Variants in NAV3 observed in about 807,000 individuals in gnomAD.
NAV3 encodes the protein neuron navigator 3.
In NAV3, 87 loss-of-function variants were observed where a neutral mutation model predicts 244.7. The ratio of observed to expected loss-of-function variants is 0.36; its 90% CI spans 0.30 to 0.42. The LOEUF is 0.42. Among genes scored for constraint, NAV3 ranks in the 20% least tolerant of loss-of-function variants. The probability of loss-of-function intolerance (pLI) is 1.00; values close to 1 mark genes in which losing one functional copy is unlikely to be tolerated. For synonymous variants in NAV3, 1,126 were observed against 1,042.2 expected, an observed-to-expected ratio of 1.08 and a Z score of -1.55; for missense variants, 2,663 against 2,893.3, an observed-to-expected ratio of 0.92 and a Z score of 1.83.
chr12:77,722,335 TATACTC>T (rs1318021085), intron 2 of NAV3, among the ~76,000 whole-genome samples: 1 of 152,090 alleles, frequency 6.6e-6, no homozygotes, highest in African/African-American at 2.4e-5. Flanking sequence ...CTATAATTAA[TATACTC>T]ATACTCTTTC....
rs7294957 is a variant in NAV3, at chr12:77,594,495, C to A, written c.72+22229C>A. 3.0e-3 allele frequency among the ~76,000 whole-genome samples: 460 copies of A among 152,232 alleles called. 2 individuals are homozygous for A. The highest frequency in any genetic ancestry group is 0.01 in the African/African-American group (422 of 41,536). ...TTTGTTGAACATCTGGCAGAACAGC[C>A]TGGATATTTACTTGGAAGGAATGTT... On this transcript the variant is annotated intron_variant, in intron 2 of 8. Transcript: ENST00000550042.
rs1378130716 is a variant in NAV3 at position 78,092,539 on chromosome 12, G to A, written c.2637-24233G>A. On this transcript the variant is annotated intron_variant, in intron 12 of 39. Coordinates refer to ENST00000397909, the MANE Select transcript of NAV3 (RefSeq NM_001024383.2). The stretch of plus-strand genomic sequence containing the variant: ...TTTTGAGATGGAGTCTCGCTCTGTC[G>A]CCCAGGCTGTAGTGCAGTGGTGCGA... 4.7e-4 allele frequency among the ~76,000 whole-genome samples: 55 copies of A among 115,900 alleles called. No homozygotes were observed. The East Asian group carries it at 0.012, about 25-fold the overall frequency. The allele number at this position is 115,900 out of a possible 152,430, so 76.0% of individuals were successfully genotyped here.
At chr12:77,929,029 G>A (rs1888510860) in intron 1 of NAV3, among the ~76,000 whole-genome samples, 1 of 152,174 alleles carries the variant, frequency 6.6e-6, no homozygotes, top group Admixed American at 6.5e-5. Context: ...GCCTGCTGTG[G>A]TGAATTCTCT....
intron 12 of NAV3, among the ~76,000 whole-genome samples, chr12:78,063,868 A>T (rs959536442): frequency 2.0e-5 from 3 of 152,178 alleles, no homozygotes; most frequent in Non-Finnish European, 4.4e-5. Context: ...GAATGTGGAC[A>T]AGGAGACGAG....
intron 2 of NAV3, among the ~76,000 whole-genome samples, chr12:77,623,457 G>C (rs1166646736): frequency 6.6e-6 from 1 of 152,176 alleles, no homozygotes; most frequent in Non-Finnish European, 1.5e-5. Context: ...CACTGTGACA[G>C]TTCTCCTGTA....
chr12:78,092,988 G>T (rs528788216), intron 12 of NAV3, among the ~76,000 whole-genome samples: 71 of 152,200 alleles, frequency 4.7e-4, no homozygotes, highest in African/African-American at 1.7e-3. Context: ...GGGGAAACAC[G>T]CCAAACCATG....
intron 2 of NAV3, among the ~76,000 whole-genome samples, chr12:77,690,522 C>G (rs937143010): frequency 1.3e-4 from 19 of 151,342 alleles, no homozygotes; most frequent in Non-Finnish European, 1.3e-4. Flanking sequence ...TTTACTTCTT[C>G]TTACTGTCAA....
At chr12:78,168,101 T>C (rs2139543964) in intron 23 of NAV3, among the ~76,000 whole-genome samples, 1 of 151,840 alleles carries the variant, frequency 6.6e-6, no homozygotes. Flanking sequence ...ATATATTTTA[T>C]TTACTTTATT....
At chr12:77,772,048 G>A (rs1462975483) in intron 2 of NAV3, among the ~76,000 whole-genome samples, 1 of 152,118 alleles carries the variant, frequency 6.6e-6, no homozygotes, top group Non-Finnish European at 1.5e-5. Context: ...CTTTTGTAAT[G>A]TACTAAACAT....
intron 1 of NAV3, among the ~76,000 whole-genome samples, chr12:77,881,334 A>G (rs1882619060): frequency 6.6e-6 from 1 of 152,130 alleles, no homozygotes; most frequent in South Asian, 2.1e-4. Context: ...CTAGGTCACT[A>G]TAGTGTTTGC....
chr12:77,853,604 T>A (rs1032495922), intron 1 of NAV3, among the ~76,000 whole-genome samples: 1 of 152,164 alleles, frequency 6.6e-6, no homozygotes, highest in Non-Finnish European at 1.5e-5. Flanking sequence ...ATACTTCTGA[T>A]AGCAACATTT....
chr12:78,131,835 A>G (rs1468996201), intron 18 of NAV3, among the ~76,000 whole-genome samples: 3 of 152,182 alleles, frequency 2.0e-5, no homozygotes, highest in African/African-American at 7.2e-5. Flanking sequence ...ATTCTGCCAA[A>G]TCATTATTTT....
intron 2 of NAV3, among the ~76,000 whole-genome samples, chr12:77,640,939 A>C (rs1483988460): frequency 6.6e-6 from 1 of 152,074 alleles, no homozygotes; most frequent in Non-Finnish European, 1.5e-5. Flanking sequence ...GCTGATACAA[A>C]GTTGTTTGTC....
At chr12:77,593,413 A>C (rs1297062607) in intron 2 of NAV3, among the ~76,000 whole-genome samples, 1 of 151,140 alleles carries the variant, frequency 6.6e-6, no homozygotes, top group East Asian at 2.0e-4. Flanking sequence ...CAAACAGCCA[A>C]AGTGGTGTTC....
chr12:78,046,801 T>C (rs1181357633), intron 9 of NAV3, among the ~76,000 whole-genome samples: 1 of 152,162 alleles, frequency 6.6e-6, no homozygotes, highest in Admixed American at 6.5e-5. Context: ...ATTTTCTGTC[T>C]CATTGATCTG....
chr12:77,745,084 T>TGTC (rs1868467919), intron 2 of NAV3, among the ~76,000 whole-genome samples: 1 of 152,032 alleles, frequency 6.6e-6, no homozygotes, highest in African/African-American at 2.4e-5. Flanking sequence ...GGAACACTAA[T>TGTC]GTCGCCTCAT....
intron 2 of NAV3, among the ~76,000 whole-genome samples, chr12:77,752,474 T>A (rs1294974349): frequency 2.0e-5 from 3 of 152,100 alleles, no homozygotes; most frequent in African/African-American, 7.2e-5. Flanking sequence ...TAAAAACAGA[T>A]GAAGACACAT....
intron 30 of NAV3, among the ~76,000 whole-genome samples, 161 bp from the exon 31 acceptor site, chr12:78,185,440 A>C (rs1282289540): frequency 6.6e-6 from 1 of 151,888 alleles, no homozygotes; most frequent in Non-Finnish European, 1.5e-5. Context: ...AACCACAGTA[A>C]TTCATCTTCT....
At chr12:77,802,913 T>A (rs1871787246) in intron 2 of NAV3, among the ~76,000 whole-genome samples, 3 of 152,092 alleles carry the variant, frequency 2.0e-5, no homozygotes, top group Non-Finnish European at 4.4e-5. Context: ...ACGATCCACC[T>A]GCCTTGGCCT....
Sources: allele counts gnomAD v4.1 joint callset (sites outside exome capture counted in the v4.1 genomes callset), GRCh38; gene constraint gnomAD v4.1.1; transcripts MANE v1.5; gene names NCBI Gene and HGNC (gene_info 2026-07-23, HGNC 2026-07-21).